The following SOX6 variants were observed in gnomAD, a reference collection of about 807,000 sequenced individuals.
The protein encoded by SOX6 is transcription factor SOX-6.
In SOX6, 11 loss-of-function variants were observed where a neutral mutation model predicts 97.8. That is an observed-to-expected ratio of 0.11 (90% CI 0.07 to 0.19). The LOEUF is 0.19. Ranked by LOEUF, SOX6 falls within the 10% of genes least tolerant of loss-of-function variation. SOX6 has a pLI of 1.00. For synonymous variants in SOX6, 360 were observed against 371.4 expected, an observed-to-expected ratio of 0.97 and a Z score of 0.35; for missense variants, 810 against 1,039.5, an observed-to-expected ratio of 0.78 and a Z score of 3.04.
intron 3 of SOX6, among the ~76,000 whole-genome samples, chr11:16,624,071 T>G (rs1848587108): frequency 1.3e-5 from 2 of 152,222 alleles, no homozygotes; most frequent in African/African-American, 4.8e-5. Context: ...CAAATTCTTG[T>G]TCTTCATATA....
chr11:16,190,374 CAG>C (rs1488672494), intron 4 of SOX6, among the ~76,000 whole-genome samples: 1 of 152,162 alleles, frequency 6.6e-6, no homozygotes, highest in African/African-American at 2.4e-5. Context: ...CAACCAAGCA[CAG>C]ACTCAGCCAA....
Position 16,552,252 on chromosome 11 carries a change from T to C in SOX6, n.609+59829A>G, listed in dbSNP as rs559037952. Among the ~76,000 whole-genome samples the C allele has an allele frequency of 7.2e-4, 109 of 152,050 alleles. 4 individuals are homozygous for C. In the South Asian group the frequency reaches 0.022, roughly 30 times the overall value. ...AAAAAAACTCTCTGAATCATAAAAA[T>C]CCACCAAGCTAAAATCAAAAAAGGA... is the stretch of plus-strand genomic sequence containing the variant. On this transcript the variant is annotated intron_variant and non_coding_transcript_variant, in intron 4 of 5. Transcript: ENST00000524520.
chr11:16,733,723 TAA>T (rs34111311), intron 2 of SOX6, among the ~76,000 whole-genome samples: 23,604 of 116,810 alleles, frequency 0.2, 2,207 homozygotes, highest in East Asian at 0.37. Context: ...ACTTAAAGTA[TAA>T]AAAAAAAAAA....
At chr11:16,420,554 T>C (rs1859001996) in intron 1 of SOX6, among the ~76,000 whole-genome samples, 1 of 152,146 alleles carries the variant, frequency 6.6e-6, no homozygotes, top group Non-Finnish European at 1.5e-5. Context: ...AACGTTAACC[T>C]CCTCTAGGGA....
At chr11:16,695,046 G>A (rs1848043304) in intron 3 of SOX6, among the ~76,000 whole-genome samples, 2 of 152,186 alleles carry the variant, frequency 1.3e-5, no homozygotes, top group Non-Finnish European at 2.9e-5. Context: ...AGCATATGTG[G>A]GTTTTGGTAT....
intron 3 of SOX6, among the ~76,000 whole-genome samples, chr11:16,281,842 A>C (rs557341259): frequency 6.6e-6 from 1 of 151,724 alleles, no homozygotes; most frequent in Admixed American, 6.6e-5. Context: ...ATTCCAAAAA[A>C]GTCATGGCTT....
chr11:16,385,567 G>GA lies in SOX6; in HGVS notation c.-4-44316dup, dbSNP rs1384991305. Among the ~76,000 whole-genome samples, 18 of 151,984 alleles carry GA rather than the reference G, an allele frequency of 1.2e-4. No homozygotes were observed. The East Asian group carries it at 2.7e-3, about 23-fold the overall frequency. On this transcript the variant is annotated intron_variant, in intron 1 of 15. Transcript: ENST00000396356. ...GAAAAACTTTTCAGTAAACAGAAAA[G>GA]AAAAAATTTTAAAAAATCTTTTCTT...
At chr11:16,208,539 ATGAC>A (rs1219158596) in intron 4 of SOX6, among the ~76,000 whole-genome samples, 1 of 152,244 alleles carries the variant, frequency 6.6e-6, no homozygotes, top group East Asian at 1.9e-4. Context: ...ACTTGAAAAA[ATGAC>A]TGACAGACAA....
intron 3 of SOX6, among the ~76,000 whole-genome samples, chr11:16,235,917 C>T (rs1590052381): frequency 1.3e-5 from 2 of 152,164 alleles, no homozygotes; most frequent in Middle Eastern, 3.4e-3. Context: ...GTCTGTGACA[C>T]TATCAATCAA....
intron 3 of SOX6, among the ~76,000 whole-genome samples, chr11:16,241,075 A>C (rs1279574894): frequency 6.6e-6 from 1 of 152,060 alleles, no homozygotes; most frequent in African/African-American, 2.4e-5. Context: ...GTCAACTGCC[A>C]GTTCTCCTAT....
intron 4 of SOX6, among the ~76,000 whole-genome samples, chr11:16,486,155 C>T (rs547933337): frequency 6.6e-6 from 1 of 152,010 alleles, no homozygotes; most frequent in South Asian, 2.1e-4. Context: ...TACAGAATTA[C>T]CATGTGACTT....
intron 3 of SOX6, chr11:16,314,219 T>C (rs1401392393): frequency 1.3e-5 from 2 of 152,162 alleles, no homozygotes; most frequent in Non-Finnish European, 2.9e-5. Context: ...ATATGCATCT[T>C]CTTTTTTTAA....
rs150049807 is a variant in SOX6, at chr11:16,302,866, G to A, written c.445+15580C>T. Among the ~76,000 whole-genome samples, 991 of 152,010 alleles carry A rather than the reference G, an allele frequency of 6.5e-3. 10 individuals are homozygous for A. Among genetic ancestry groups the A allele is most frequent in the African/African-American group, 0.023 (943 of 41,452 alleles). The stretch of plus-strand genomic sequence containing the variant: ...ATTACAGGCAGGAGCCACCGCACCC[G>A]GCCAGCCACAGTACCCAGCCAACAC... On this transcript the variant is annotated intron_variant, in intron 3 of 15. Coordinates refer to ENST00000683767, the MANE Select transcript of SOX6 (RefSeq NM_001367873.1).
intron 1 of SOX6, among the ~76,000 whole-genome samples, chr11:16,737,107 G>C (rs1333188566): frequency 1.3e-5 from 2 of 152,232 alleles, no homozygotes; most frequent in Admixed American, 1.3e-4. Flanking sequence ...AGTGAAACTA[G>C]AGCAATTGCT....
intron 4 of SOX6, among the ~76,000 whole-genome samples, chr11:16,590,979 G>T (rs1474049689): frequency 6.6e-6 from 1 of 152,082 alleles, no homozygotes; most frequent in Non-Finnish European, 1.5e-5. Flanking sequence ...AAAAATGCTT[G>T]AGGTGATAGA....
chr11:16,330,184 T>C (rs2134322242), intron 2 of SOX6, among the ~76,000 whole-genome samples: 1 of 152,308 alleles, frequency 6.6e-6, no homozygotes, highest in Admixed American at 6.5e-5. Context: ...GTTTTAAAGA[T>C]TTCATGCCAT....
chr11:16,642,168 C>A (rs1351306281), intron 3 of SOX6, among the ~76,000 whole-genome samples: 2 of 152,080 alleles, frequency 1.3e-5, no homozygotes, highest in Non-Finnish European at 2.9e-5. Flanking sequence ...ACTTATGAAG[C>A]TTAGTTTGGC....
chr11:16,191,041 G>C (rs1200037315), intron 4 of SOX6, among the ~76,000 whole-genome samples: 1 of 152,138 alleles, frequency 6.6e-6, no homozygotes, highest in Non-Finnish European at 1.5e-5. Context: ...AACTACAATT[G>C]TAAGAGCTGC....
chr11:16,566,186 A>T (rs923131711), intron 4 of SOX6, among the ~76,000 whole-genome samples: 7 of 152,164 alleles, frequency 4.6e-5, no homozygotes, highest in African/African-American at 1.7e-4. Context: ...TCCTGGGAAT[A>T]AAAAGTTTGA....
Sources: allele counts gnomAD v4.1 joint callset (sites outside exome capture counted in the v4.1 genomes callset), GRCh38; gene constraint gnomAD v4.1.1; transcripts MANE v1.5; gene names NCBI Gene and HGNC (gene_info 2026-07-23, HGNC 2026-07-21).